Variants in ESR1 observed in about 807,000 individuals in gnomAD.
ESR1 encodes the protein estrogen receptor.
Under a neutral mutation model 52.7 loss-of-function variants are expected in ESR1, and 12 were observed. That is an observed-to-expected ratio of 0.23 (90% CI 0.15 to 0.37). The LOEUF is 0.37. ESR1 is among the 10% of genes least tolerant of loss of function. ESR1 has a pLI of 1.00. For synonymous variants in ESR1, 305 were observed against 316.8 expected (o/e 0.96, Z 0.39); for missense variants, 584 against 779.7 (o/e 0.75, Z 2.99).
intron 1 of ESR1, among the ~76,000 whole-genome samples, chr6:151,679,385 C>T (rs1051980459): frequency 2.6e-5 from 4 of 152,182 alleles, no homozygotes; most frequent in East Asian, 1.9e-4. Flanking sequence ...ATTCTTGCTC[C>T]GTCACCCAGG....
At chr6:151,869,134 T>C (rs1004708364) in intron 2 of ESR1, among the ~76,000 whole-genome samples, 1 of 152,200 alleles carries the variant, frequency 6.6e-6, no homozygotes, top group Non-Finnish European at 1.5e-5. Flanking sequence ...GATTGCGAGA[T>C]CATTTTCCTC....
intron 5 of ESR1, among the ~76,000 whole-genome samples, chr6:152,024,069 A>G (rs1473345345): frequency 1.3e-5 from 2 of 152,198 alleles, no homozygotes; most frequent in African/African-American, 2.4e-5. Flanking sequence ...ACAGTATGCA[A>G]TAAAGAATGG....
chr6:151,685,107 C>CTTTT lies in ESR1; in HGVS notation n.74-16734_74-16731dup, dbSNP rs772122906. 3.7e-4 allele frequency among the ~76,000 whole-genome samples: 27 copies of CTTTT among 72,950 alleles called. 3 individuals carry two copies. Among genetic ancestry groups the CTTTT allele is most frequent in the Non-Finnish European group, 6.5e-4 (26 of 39,730 alleles). The allele number at this position is 72,950 out of a possible 152,430, so 47.9% of individuals were successfully genotyped here. A position where few individuals can be genotyped will look rare whatever the true frequency, so the allele number is the denominator to read the frequency against. ...TATCATTTTTGTCTGACACTGGCCT[C>CTTTT]TTTTTTTTTTTTTTTTTTTTTTTTT... is the stretch of plus-strand genomic sequence containing the variant. On this transcript the variant is annotated intron_variant and non_coding_transcript_variant, in intron 1 of 2. Coordinates refer to the ESR1 transcript ENST00000473497.
chr6:152,127,597 C>T (rs887049827), exon 7 of ESR1: 23 of 152,158 alleles, frequency 1.5e-4, no homozygotes, highest in African/African-American at 5.5e-4. Flanking sequence ...TGTCTTGTTC[C>T]CTAGAAACAC....
intron 6 of ESR1, among the ~76,000 whole-genome samples, chr6:152,111,005 C>A (rs2051125806): frequency 6.6e-6 from 1 of 152,070 alleles, no homozygotes; most frequent in Non-Finnish European, 1.5e-5. Flanking sequence ...TACCTTGGCA[C>A]CAGGAGGAGC....
intron 4 of ESR1, among the ~76,000 whole-genome samples, chr6:152,005,624 T>C (rs2042270024): frequency 6.6e-6 from 1 of 152,120 alleles, no homozygotes; most frequent in African/African-American, 2.4e-5. Flanking sequence ...CATGGCTTTC[T>C]GGGACATCTG....
chr6:152,129,221 C>T (rs536081358), exon 7 of ESR1: 3 of 152,294 alleles, frequency 2.0e-5, no homozygotes, highest in Non-Finnish European at 2.9e-5. Flanking sequence ...AGCAGATAGA[C>T]GCAATATTTG....
At chr6:152,051,828 T>C (rs965295069) in intron 5 of ESR1, among the ~76,000 whole-genome samples, 1 of 152,310 alleles carries the variant, frequency 6.6e-6, no homozygotes, top group Non-Finnish European at 1.5e-5. Context: ...TTTTTTTAAA[T>C]TTTATGTTTT....
At chr6:151,849,990 A>AATT in intron 2 of ESR1, among the ~76,000 whole-genome samples, 1 of 110,518 alleles carries the variant, frequency 9.0e-6, no homozygotes, top group East Asian at 2.4e-4. Flanking sequence ...ATATATATAT[A>AATT]TATATATATA....
chr6:152,021,901 C>A (rs2043688206), intron 5 of ESR1, among the ~76,000 whole-genome samples: 1 of 152,126 alleles, frequency 6.6e-6, no homozygotes, highest in African/African-American at 2.4e-5. Flanking sequence ...GCAAGACATC[C>A]CTTTGCTCCT....
intron 4 of ESR1, among the ~76,000 whole-genome samples, chr6:151,980,128 C>A (rs913788647): frequency 1.3e-5 from 2 of 152,038 alleles, no homozygotes; most frequent in African/African-American, 2.4e-5. Context: ...AAAAGTTAGC[C>A]GTTTTGTTGG....
chr6:151,966,586 T>G (rs1252265373), intron 4 of ESR1, among the ~76,000 whole-genome samples: 1 of 152,228 alleles, frequency 6.6e-6, no homozygotes, highest in Non-Finnish European at 1.5e-5. Context: ...CTACCATGTT[T>G]AGAATTCTCT....
chr6:151,735,532 G>T (rs1350354697), intron 2 of ESR1, among the ~76,000 whole-genome samples: 2 of 152,066 alleles, frequency 1.3e-5, no homozygotes, highest in African/African-American at 2.4e-5. Flanking sequence ...CGGAAGTCTT[G>T]CCTCAGTGGG....
chr6:151,951,762 C>A (rs144130217), intron 4 of ESR1, among the ~76,000 whole-genome samples: 1 of 152,328 alleles, frequency 6.6e-6, no homozygotes, highest in Non-Finnish European at 1.5e-5. Context: ...CCACTCAGAA[C>A]CTCAGCTGTT....
chr6:151,956,149 C>T (rs1300488801), intron 4 of ESR1, among the ~76,000 whole-genome samples: 1 of 152,126 alleles, frequency 6.6e-6, no homozygotes, highest in Non-Finnish European at 1.5e-5. Flanking sequence ...AGGTTGATTC[C>T]ATGTCTTTAC....
At chr6:151,813,567 A>G (rs1779158163) in intron 1 of ESR1, 2 of 152,070 alleles carry the variant, frequency 1.3e-5, no homozygotes, top group African/African-American at 2.4e-5. Flanking sequence ...TAATGATATT[A>G]CCAATAATAT....
intron 3 of ESR1, among the ~76,000 whole-genome samples, chr6:151,899,766 AG>A (rs1796367528): frequency 7.7e-6 from 1 of 130,432 alleles, no homozygotes; most frequent in Admixed American, 7.6e-5. Context: ...ACGGGGCGGC[AG>A]GGCAGAGGCG....
chr6:151,940,059 T>A (rs536419136), intron 3 of ESR1, among the ~76,000 whole-genome samples: 2 of 152,286 alleles, frequency 1.3e-5, no homozygotes, highest in East Asian at 3.9e-4. Flanking sequence ...AAAAATAGGC[T>A]TAATGAACTC....
intron 3 of ESR1, among the ~76,000 whole-genome samples, chr6:151,933,822 A>C (rs942431320): frequency 6.6e-6 from 1 of 152,198 alleles, no homozygotes; most frequent in East Asian, 1.9e-4. Context: ...CTTTACTTTC[A>C]AAATAAATTA....
Sources: gnomAD v4.1 joint callset for allele counts (sites outside exome capture counted in the v4.1 genomes callset) on GRCh38, gnomAD v4.1.1 for gene constraint, MANE v1.5 for transcripts, NCBI Gene and HGNC (gene_info 2026-07-23, HGNC 2026-07-21) for gene names.